The following FLOT2 variants were observed in gnomAD, a reference collection of about 807,000 sequenced individuals.
The protein encoded by FLOT2 is flotillin 2.
Under a neutral mutation model 54.9 loss-of-function variants are expected in FLOT2, and 35 were observed. The observed-to-expected ratio is 0.64, with a 90% CI of 0.49 to 0.84. FLOT2 has a LOEUF of 0.84. Ranked by LOEUF, FLOT2 falls within the 40% of genes least tolerant of loss-of-function variation. The pLI, the probability that FLOT2 is intolerant of heterozygous loss-of-function variation, is 0.00. For synonymous variants in FLOT2, 207 were observed against 228.9 expected, an observed-to-expected ratio of 0.90 and a Z score of 0.86; for missense variants, 464 against 572.1, an observed-to-expected ratio of 0.81 and a Z score of 1.93.
Position 28,883,615 on chromosome 17 carries a change from G to A in FLOT2, c.223-384C>T, listed in dbSNP as rs1288960497. The stretch of plus-strand genomic sequence containing the variant: ...AGAATGAGCAATAGGGACACAGACA[G>A]AGAAGGAAAGAGCCTGGACAGGGCA... On this transcript the variant is annotated intron_variant, in intron 3 of 10. Transcript: ENST00000394908. This position sits in a 1 kb window ranked among gnomAD's most constrained non-coding sequence, Gnocchi z 5.0. 4.6e-5 allele frequency among the ~76,000 whole-genome samples: 7 copies of A among 152,216 alleles called. No homozygotes were observed. The highest frequency in any genetic ancestry group is 1.7e-4 in the African/African-American group (7 of 41,450).
chr17:28,894,121 C>T lies in FLOT2; in HGVS notation c.49+3405G>A, dbSNP rs547403623. Among the ~76,000 whole-genome samples, 11 of 152,342 alleles carry T rather than the reference C, an allele frequency of 7.2e-5. No homozygotes were observed. The East Asian group carries it at 1.9e-3, about 27-fold the overall frequency. On this transcript the variant is annotated intron_variant, in intron 1 of 10. Coordinates refer to ENST00000394908, the MANE Select transcript of FLOT2 (RefSeq NM_004475.3). ...TGGGCCTCAAGTTCTCCTCCCACCT[C>T]GGTCTCCTAAAGTGCTGGGATTACA... is the stretch of plus-strand genomic sequence containing the variant.
At chr17:28,893,009 G>GGGCAATGGCCAGGGCAAT (rs2039679788) in intron 1 of FLOT2, 1 of 152,212 alleles carries the variant, frequency 6.6e-6, no homozygotes, top group Non-Finnish European at 1.5e-5. Context: ...AGCTCAAGCT[G>GGGCAATGGCCAGGGCAAT]GGCCTTGGCC....
Position 28,879,946 on chromosome 17 carries a change from G to A in FLOT2, c.*615C>T. 2.0e-6 allele frequency: 2 copies of A among 987,064 alleles called. No homozygotes were observed. The highest frequency in any genetic ancestry group is 1.2e-6 in the Non-Finnish European group (1 of 831,002). The allele number at this position is 987,064 out of a possible 1,614,324, so 61.1% of individuals were successfully genotyped here. ...CCTTGGGGTCAGGGAGAAAGGACAG[G>A]GTATGAGCGCTGGCTGGGGCCTTGG... is the stretch of plus-strand genomic sequence containing the variant. On this transcript the variant is annotated 3_prime_UTR_variant, in exon 11 of 11. Coordinates refer to ENST00000394908, the MANE Select transcript of FLOT2 (RefSeq NM_004475.3).
At chr17:28,886,856 C>G (rs1027687967) in intron 2 of FLOT2, among the ~76,000 whole-genome samples, 12 of 152,196 alleles carry the variant, frequency 7.9e-5, no homozygotes, top group African/African-American at 2.9e-4. Context: ...GGGCCACCCC[C>G]ACAGTGCCAG....
chr17:28,886,064 G>GGGGC, intron 2 of FLOT2: 1 of 601,676 alleles, frequency 1.7e-6, no homozygotes, highest in South Asian at 1.6e-5. Context: ...GGGGCGGGGG[G>GGGGC]GGGCATGCTG....
rs2039501440 is a variant in FLOT2, at chr17:28,884,150, C to T, written c.222+75G>A. 26 of 1,123,242 alleles carry T rather than the reference C, an allele frequency of 2.3e-5. No homozygotes were observed. In the South Asian group the frequency reaches 3.0e-4, roughly 13 times the overall value. The allele number at this position is 1,123,242 out of a possible 1,614,324, so 69.6% of individuals were successfully genotyped here. On this transcript the variant is annotated intron_variant, in intron 3 of 10. Coordinates refer to ENST00000394908, the MANE Select transcript of FLOT2 (RefSeq NM_004475.3). The surrounding 1 kb of genome is among the most constrained non-coding windows in gnomAD (Gnocchi z 5.1). The stretch of plus-strand genomic sequence containing the variant: ...AGAGACTGCCCCTGGCTGCTGTCCT[C>T]TCCTCCTCCCCCCGAACCCGAGTAC...
At position 28,880,751 on chromosome 17, in the gene FLOT2, C is replaced by T. The variant is rs1458153341; in HGVS notation, c.1210G>A (p.Ala404Thr). ...ACGCCTGTGAGGGCATGCACAGAGG[C>T]AGGCAGCTCGGCCAGCAGTCGGTTC... ...EVNRLLAELP[A>T]SVHALTGVDL... The change falls in exon 10 of 11, where the codon GCC becomes ACC. Residue 404 changes from alanine (A) to threonine (T), a missense_variant. Coordinates refer to ENST00000394908, the MANE Select transcript of FLOT2 (RefSeq NM_004475.3). The T allele has an allele frequency of 6.2e-7, 1 of 1,614,240 alleles. No homozygotes were observed. Among genetic ancestry groups the T allele is most frequent in the Admixed American group, 1.7e-5 (1 of 60,034 alleles).
At chr17:28,881,787 T>C in intron 8 of FLOT2, 27 bp downstream of exon 8, 1 of 1,607,810 alleles carries the variant, frequency 6.2e-7, no homozygotes. Flanking sequence ...GACTAAGCCC[T>C]GACCCCGGCA....
chr17:28,891,663 T>C (rs1031469164), intron 1 of FLOT2, among the ~76,000 whole-genome samples: 2 of 152,232 alleles, frequency 1.3e-5, no homozygotes, highest in Admixed American at 1.3e-4. Flanking sequence ...CTGGTATGAC[T>C]GGGGAACTGA....
Position 28,882,917 on chromosome 17 carries a change from G to T in FLOT2, c.346+191C>A. 1 of 655,320 alleles carries T rather than the reference G, an allele frequency of 1.5e-6. No individual in the cohort carries two copies. Among genetic ancestry groups the T allele is most frequent in the Non-Finnish European group, 2.6e-6 (1 of 384,728 alleles). The allele number at this position is 655,320 out of a possible 1,614,324, so 40.6% of individuals were successfully genotyped here. A position where few individuals can be genotyped will look rare whatever the true frequency, so the allele number is the denominator to read the frequency against. On this transcript the variant is annotated intron_variant, in intron 4 of 10. Coordinates refer to ENST00000394908, the MANE Select transcript of FLOT2 (RefSeq NM_004475.3). This position sits in a 1 kb window ranked among gnomAD's most constrained non-coding sequence, Gnocchi z 5.6. ...CACTAGGTTCCTGAGCAGACCGACA[G>T]CCCCCATCCCACCCCTTCACTCATA... is the stretch of plus-strand genomic sequence containing the variant.
chr17:28,888,234 G>A (rs907232542), intron 2 of FLOT2, among the ~76,000 whole-genome samples: 6 of 152,242 alleles, frequency 3.9e-5, no homozygotes, highest in Admixed American at 1.3e-4. Flanking sequence ...CTCATCTCCC[G>A]GGTGGGCAGT....
rs1215256704 is a variant in FLOT2, at chr17:28,882,066, C to T, written c.700-38G>A. The T allele has an allele frequency of 6.2e-7, 1 of 1,613,982 alleles. No homozygotes were observed. Among genetic ancestry groups the T allele is most frequent in the South Asian group, 1.1e-5 (1 of 91,056 alleles). ...GGTGTGTGGCACATTAGAGGCTGGT[C>T]ACCAAGTCCTGATCCCTGAGCCCCA... On this transcript the variant is annotated intron_variant, in intron 7 of 10. Transcript: ENST00000394908. The surrounding 1 kb of genome is among the most constrained non-coding windows in gnomAD (Gnocchi z 5.6).
intron 1 of FLOT2, among the ~76,000 whole-genome samples, chr17:28,895,915 C>G (rs2039733549): frequency 6.6e-6 from 1 of 152,102 alleles, no homozygotes; most frequent in Non-Finnish European, 1.5e-5. Context: ...AGACACAGGT[C>G]CAAGGAGCAA....
chr17:28,886,311 A>AGGAG (rs993223886), intron 2 of FLOT2, among the ~76,000 whole-genome samples: 2 of 152,238 alleles, frequency 1.3e-5, no homozygotes, highest in African/African-American at 4.8e-5. Context: ...ATCCTGTCGC[A>AGGAG]ATCTGGGAGA....
In FLOT2 at chr17:28,881,246, G is replaced by A. The variant is rs1239119454; in HGVS notation, c.1044C>T (p.Tyr348=). 2 of 1,614,206 alleles carry A rather than the reference G, an allele frequency of 1.2e-6. No individual in the cohort carries two copies. The highest frequency in any genetic ancestry group is 1.3e-5 in the African/African-American group (1 of 75,058). The change falls in exon 9 of 11, where the codon TAC becomes TAT. Residue 348 remains tyrosine (Y), a synonymous_variant. Transcript: ENST00000394908. ...AERMKLKAEA[Y]QKYGDAAKMA... ...TCTTGGCTGCATCCCCGTATTTCTG[G>A]TAGGCTTCTGCCTTGAGCTTCATCC...
At chr17:28,885,182 C>T (rs1254754011) in intron 2 of FLOT2, among the ~76,000 whole-genome samples, 2 of 152,196 alleles carry the variant, frequency 1.3e-5, no homozygotes, top group Non-Finnish European at 2.9e-5. Flanking sequence ...GTGCTCCAAG[C>T]CTCCCAGGCC....
Position 28,897,507 on chromosome 17 carries a change from T to C in FLOT2, c.49+19A>G. On this transcript the variant is annotated intron_variant, in intron 1 of 10. Transcript: ENST00000394908. This position sits in a 1 kb window ranked among gnomAD's most constrained non-coding sequence, Gnocchi z 4.4. ...CCGAGCACCCTCCACAGCTCCCACCTTCCTCGCCGCCCCCTCACCTGAAAC... is the reference window on the plus strand; with the variant it reads ...CCGAGCACCCTCCACAGCTCCCACCCTCCTCGCCGCCCCCTCACCTGAAAC... 3 of 1,599,388 alleles carry C rather than the reference T, an allele frequency of 1.9e-6. No individual in the cohort carries two copies. The highest frequency in any genetic ancestry group is 2.6e-6 in the Non-Finnish European group (3 of 1,172,766).
At chr17:28,881,434 G>A in intron 8 of FLOT2, 59 bp from the exon 9 acceptor site, 1 of 1,544,546 alleles carries the variant, frequency 6.5e-7, no homozygotes, top group Non-Finnish European at 8.8e-7. Context: ...CTCAAGCCTT[G>A]CCTGGGGGCC....
At chr17:28,889,675 T>A (rs1243990985) in intron 1 of FLOT2, among the ~76,000 whole-genome samples, 1 of 151,806 alleles carries the variant, frequency 6.6e-6, no homozygotes, top group African/African-American at 2.4e-5. Flanking sequence ...AGTTTTGCTC[T>A]GTTGCCCAGG....
Sources: gnomAD v4.1 joint callset for allele counts (sites outside exome capture counted in the v4.1 genomes callset) on GRCh38, gnomAD v4.1.1 for gene constraint, Gnocchi (gnomAD v3.1) non-coding constraint, MANE v1.5 for transcripts, NCBI Gene and HGNC (gene_info 2026-07-23, HGNC 2026-07-21) for gene names.